KIAA2013: variants seen among roughly 807,000 people sequenced by gnomAD.
KIAA2013 encodes uncharacterized protein KIAA2013.
A neutral mutation model predicts 39.9 loss-of-function variants in KIAA2013; 20 were observed. That is an observed-to-expected ratio of 0.50 (90% confidence interval 0.35 to 0.73). KIAA2013 has a LOEUF of 0.73. KIAA2013 is among the 30% of genes least tolerant of loss of function. KIAA2013 has a pLI of 0.01. For missense variants in KIAA2013, 587 were observed against 856.1 expected (o/e 0.69, Z 3.92); for synonymous variants, 336 against 416.6 (o/e 0.81, Z 2.35).
Position 11,922,912 on chromosome 1 carries a change from C to T in KIAA2013, c.1611G>A (p.Ala537=), listed in dbSNP as rs768692926. 7.1e-5 allele frequency: 115 copies of T among 1,611,588 alleles called. 1 individual carries two copies. In the South Asian group the frequency reaches 1.1e-3, roughly 16 times the overall value. Residue 537 remains alanine, a synonymous_variant, in exon 2 of 3, where the codon GCG becomes GCA. Transcript: ENST00000376572. ...TGACCGAGAAGGTGTGGCCCGTGGG[C>T]GCCGAGGTCAGCTCCACTGGCTCGT... The part of the protein sequence containing the change: ...CLDEPVELTS[A]PTGHTFSVMV...
chr1:11,922,745 A>G lies in KIAA2013; in HGVS notation c.1778T>C (p.Leu593Pro). ...MAQQDPGLPF[L>P]FWFSVASLIT... ...TAGGGAGGCCACGCTGAACCAGAAG[A>G]GGAAGGGCAGCCCGGGGTCCTGCTG... The change falls in exon 2 of 3, where the codon CTC (leucine) becomes CCC (proline). Residue 593 changes from leucine to proline, a missense_variant. Physicochemically the swap from Leu to Pro is moderately conservative, Grantham distance 98. Transcript: ENST00000376572. 1 of 1,614,098 alleles carries G rather than the reference A, an allele frequency of 6.2e-7. No homozygotes were observed. The highest frequency in any genetic ancestry group is 2.2e-5 in the East Asian group (1 of 44,884).
chr1:11,922,208 GA>G (rs1645478767), intron 2 of KIAA2013: 2 of 226,376 alleles, frequency 8.8e-6, no homozygotes, highest in African/African-American at 6.1e-5. Context: ...TTGCTTTTTT[GA>G]GACAGGGTCT....
Position 11,920,237 on chromosome 1 carries a change from C to T in KIAA2013, c.*78G>A, listed in dbSNP as rs1645466526. ...CAAAGGGCGGGTGCTTCCAAAGGAT[C>T]CCTTGCTCCTGGCAGCGGGACTTTC... On this transcript the variant is annotated 3_prime_UTR_variant, in exon 3 of 3. Coordinates refer to ENST00000376572, the MANE Select transcript of KIAA2013 (RefSeq NM_138346.3). 19 of 1,516,388 alleles carry T rather than the reference C, an allele frequency of 1.3e-5. No individual in the cohort carries two copies. Among genetic ancestry groups the T allele is most frequent in the Admixed American group, 6.7e-5 (4 of 59,900 alleles). 93.9% of individuals were successfully genotyped at this position (1,516,388 alleles called of 1,614,324 possible). A position where few individuals can be genotyped will look rare whatever the true frequency, so the allele number is the denominator to read the frequency against.
intron 2 of KIAA2013, chr1:11,922,152 A>ATTTTTTTTTTTTTTTTTTTTTTCTTTTT (rs35040868): frequency 8.0e-6 from 1 of 124,440 alleles, no homozygotes; most frequent in African/African-American, 3.2e-5. Flanking sequence ...CCTGCCTCTA[A>ATTTTTTTTTTTTTTTTTTTTTTCTTTTT]TTTTTTTTTT....
chr1:11,923,201 C>A lies in KIAA2013; in HGVS notation c.1322G>T (p.Gly441Val). 8.7e-6 allele frequency: 14 copies of A among 1,613,734 alleles called. No homozygotes were observed. The highest frequency in any genetic ancestry group is 1.2e-5 in the Non-Finnish European group (14 of 1,179,856). Residue 441 changes from glycine to valine, a missense_variant, in exon 2 of 3, where the codon GGG (glycine) becomes GTG (valine). Gly to Val is a moderately radical substitution (Grantham distance 109, BLOSUM62 -3). Coordinates refer to ENST00000376572, the MANE Select transcript of KIAA2013 (RefSeq NM_138346.3). This position sits in a 1 kb window ranked among gnomAD's most constrained non-coding sequence, Gnocchi z 4.6. ...GCCTGGGGCACCCACCTTCACCAGC[C>A]CCTTGCAGCCACGCTTCTGGAGGGT... ...RLTLQKRGCK[G>V]LVKVGAPGIL...
chr1:11,926,091 C>A lies in KIAA2013; in HGVS notation c.147G>T (p.Leu49=). The stretch of plus-strand genomic sequence containing the variant: ...CCGGCTCACCGCGGGACCAGGGCAG[C>A]AGGTGCAGGCCGCCCGCCGCCCGCC... The part of the protein sequence containing the change: ...GARRAAGGLH[L]LPWSRGEPGA... Residue 49 remains leucine (L), a synonymous_variant, in exon 1 of 3, where the codon CTG becomes CTT. Coordinates refer to ENST00000376572, the MANE Select transcript of KIAA2013 (RefSeq NM_138346.3). 6.9e-7 allele frequency: 1 copy of A among 1,451,298 alleles called. No homozygotes were observed. The highest frequency in any genetic ancestry group is 1.3e-5 in the South Asian group (1 of 76,380). 89.9% of individuals were successfully genotyped at this position (1,451,298 alleles called of 1,614,324 possible). A position where few individuals can be genotyped will look rare whatever the true frequency, so the allele number is the denominator to read the frequency against.
Position 11,925,626 on chromosome 1 carries a change from C to T in KIAA2013, c.612G>A (p.Gln204=). Reference sequence around the variant, plus strand: ...CCGTGGGGTTGTTGAGCTGGATGCGCTGCAGGTAGACGTGGGGTCGGCCCC... The same window carrying T: ...CCGTGGGGTTGTTGAGCTGGATGCGTTGCAGGTAGACGTGGGGTCGGCCCC... ...AHRGRPHVYL[Q]RIQLNNPTER... Residue 204 remains glutamine, a synonymous_variant, in exon 1 of 3, where the codon CAG becomes CAA. Coordinates refer to ENST00000376572, the MANE Select transcript of KIAA2013 (RefSeq NM_138346.3). The surrounding 1 kb of genome is among the most constrained non-coding windows in gnomAD (Gnocchi z 5.2). The T allele has an allele frequency of 6.2e-7, 1 of 1,609,548 alleles. No homozygotes were observed. The highest frequency in any genetic ancestry group is 1.3e-5 in the African/African-American group (1 of 75,012).
At chr1:11,922,486 G>A in intron 2 of KIAA2013, 150 bp downstream of exon 2, 1 of 1,509,332 alleles carries the variant, frequency 6.6e-7, no homozygotes, top group Non-Finnish European at 8.9e-7. Context: ...CAAAACACTT[G>A]TGCGCGCTCT....
At chr1:11,921,385 T>C (rs1292531448) in intron 2 of KIAA2013, among the ~76,000 whole-genome samples, 1 of 152,124 alleles carries the variant, frequency 6.6e-6, no homozygotes, top group Non-Finnish European at 1.5e-5. Flanking sequence ...GCTAACGAGA[T>C]GGCCACTCTG....
Position 11,926,339 on chromosome 1 carries a change from G to T in KIAA2013, c.-102C>A. 1 of 477,438 alleles carries T rather than the reference G, an allele frequency of 2.1e-6. No individual in the cohort carries two copies. Among genetic ancestry groups the T allele is most frequent in the Non-Finnish European group, 2.7e-6 (1 of 366,268 alleles). 29.6% of individuals were successfully genotyped at this position (477,438 alleles called of 1,614,324 possible). A position where few individuals can be genotyped will look rare whatever the true frequency, so the allele number is the denominator to read the frequency against. On this transcript the variant is annotated 5_prime_UTR_variant, in exon 1 of 3. Transcript: ENST00000376572. ...GCCTCACTGCCCGGCCCGGACCGCG[G>T]CGCCCACCCCGGCCCCCGCCGCAAC...
At chr1:11,921,098 A>G (rs1645471936) in intron 2 of KIAA2013, among the ~76,000 whole-genome samples, 1 of 152,108 alleles carries the variant, frequency 6.6e-6, no homozygotes, top group African/African-American at 2.4e-5. Context: ...ACAGGAGGAG[A>G]GAAGAGAAAG....
chr1:11,924,902 A>C (rs1645496900), intron 1 of KIAA2013, among the ~76,000 whole-genome samples: 1 of 151,912 alleles, frequency 6.6e-6, no homozygotes, highest in Non-Finnish European at 1.5e-5. Context: ...AAAACACTTC[A>C]CTCTGCTCAC....
intron 2 of KIAA2013, among the ~76,000 whole-genome samples, chr1:11,921,642 C>T (rs989444403): frequency 1.6e-4 from 25 of 151,840 alleles, no homozygotes; most frequent in Admixed American, 1.4e-3. Context: ...CTCCGTCTCC[C>T]GGGTTCAAGC....
Position 11,923,172 on chromosome 1 carries a change from G to A in KIAA2013, c.1351C>T (p.Leu451=), listed in dbSNP as rs1477561754. The A allele has an allele frequency of 6.2e-7, 1 of 1,613,564 alleles. No homozygotes were observed. Among genetic ancestry groups the A allele is most frequent in the South Asian group, 1.1e-5 (1 of 91,040 alleles). ...GLVKVGAPGI[L]QGMVLSFGGL... is the part of the protein sequence containing the mutation. ...CCAAAGCTGAGCACCATCCCCTGCA[G>A]GATGCCTGGGGCACCCACCTTCACC... The change falls in exon 2 of 3, where the codon CTG becomes TTG. Residue 451 remains leucine (L), a synonymous_variant. Transcript: ENST00000376572. The surrounding 1 kb of genome is among the most constrained non-coding windows in gnomAD (Gnocchi z 4.6).
In KIAA2013 at chr1:11,923,837, G is replaced by A. The variant is rs1645489619; in HGVS notation, c.1034-348C>T. 6.6e-6 allele frequency among the ~76,000 whole-genome samples: 1 copy of A among 152,188 alleles called. No homozygotes were observed. Among genetic ancestry groups the A allele is most frequent in the African/African-American group, 2.4e-5 (1 of 41,450 alleles). ...CAGTCTCAGGCCACTTCTCCTCTCTGTCCTTTCTCTCTCCAGTCTTGTAGC... is the reference window on the plus strand; with the variant it reads ...CAGTCTCAGGCCACTTCTCCTCTCTATCCTTTCTCTCTCCAGTCTTGTAGC... On this transcript the variant is annotated intron_variant, in intron 1 of 2. Transcript: ENST00000376572. The surrounding 1 kb of genome is among the most constrained non-coding windows in gnomAD (Gnocchi z 4.6).
chr1:11,920,370 T>C (rs1645467344), intron 2 of KIAA2013, 38 bp from the exon 3 acceptor site: 2 of 1,612,182 alleles, frequency 1.2e-6, no homozygotes, highest in East Asian at 4.5e-5. Flanking sequence ...TACTGTTCAC[T>C]GCCAACCCCA....
Position 11,922,574 on chromosome 1 carries a change from C to T in KIAA2013, c.1887+62G>A, listed in dbSNP as rs80338593. On this transcript the variant is annotated intron_variant, in intron 2 of 2. Transcript: ENST00000376572. ...CCCCCCTCGCCAGGCTAGCCCCTTC[C>T]GAGACACAGGGCTGAGAGCAAGGCC... The T allele has an allele frequency of 3.5e-3, 5,562 of 1,589,002 alleles. 138 individuals carry two copies. In the African/African-American group the frequency reaches 0.06, roughly 17 times the overall value.
rs1645507264 is a variant in KIAA2013 at position 11,926,258 on chromosome 1, AG to A, written c.-22del. ...CACATCGGGCCGCCAGGCGCGGGCAAGGGTGCGAGGGCGGCCGCCGGGCCCG... is the reference window on the plus strand; with the variant it reads ...CACATCGGGCCGCCAGGCGCGGGCAAGGTGCGAGGGCGGCCGCCGGGCCCG... On this transcript the variant is annotated 5_prime_UTR_variant, in exon 1 of 3. Transcript: ENST00000376572. 2.8e-5 allele frequency: 31 copies of A among 1,100,318 alleles called. No homozygotes were observed. The highest frequency in any genetic ancestry group is 3.3e-5 in the Non-Finnish European group (30 of 904,022). 68.2% of individuals were successfully genotyped at this position (1,100,318 alleles called of 1,614,324 possible).
intron 2 of KIAA2013, 109 bp from the exon 3 acceptor site, chr1:11,920,441 AC>A: frequency 8.7e-7 from 1 of 1,149,112 alleles, no homozygotes; most frequent in Non-Finnish European, 1.3e-6. Flanking sequence ...CCTGGCTCTG[AC>A]CCAGCCTTGC....
Sources: allele counts gnomAD v4.1 joint callset (sites outside exome capture counted in the v4.1 genomes callset), GRCh38; gene constraint gnomAD v4.1.1; non-coding constraint Gnocchi (gnomAD v3.1); transcripts MANE v1.5; gene names NCBI Gene and HGNC (gene_info 2026-07-23, HGNC 2026-07-21).